Variants in CCDC3 observed in about 807,000 individuals in gnomAD.
The protein encoded by CCDC3 is coiled-coil domain-containing protein 3.
A neutral mutation model predicts 21.4 loss-of-function variants in CCDC3; 24 were observed. The observed-to-expected ratio is 1.12, with a 90% confidence interval of 0.81 to 1.58. The LOEUF (loss-of-function observed/expected upper bound fraction) is 1.58. CCDC3 is among the 40% of genes most tolerant of loss of function. CCDC3 has a pLI of 0.00. For missense variants in CCDC3, 425 were observed against 360.9 expected, an observed-to-expected ratio of 1.18 and a Z score of -1.44; for synonymous variants, 186 against 166.0, an observed-to-expected ratio of 1.12 and a Z score of -0.93.
At chr10:13,030,193 TC>T (rs1425053873) in intron 5 of CCDC3, among the ~76,000 whole-genome samples, 2 of 152,206 alleles carry the variant, frequency 1.3e-5, no homozygotes, top group Non-Finnish European at 2.9e-5. Flanking sequence ...CATTCAACAT[TC>T]TTAAAGAAAA....
chr10:13,047,157 T>C (rs1430890596), intron 5 of CCDC3, among the ~76,000 whole-genome samples: 3 of 151,904 alleles, frequency 2.0e-5, no homozygotes, highest in East Asian at 3.9e-4. Flanking sequence ...AGAACAATTA[T>C]AGGAAAGAAC....
At chr10:12,911,304 G>A (rs1467489449) in intron 2 of CCDC3, among the ~76,000 whole-genome samples, 3 of 152,142 alleles carry the variant, frequency 2.0e-5, no homozygotes, top group Non-Finnish European at 2.9e-5. Flanking sequence ...TCTATCTCTG[G>A]TTTTTACTGC....
chr10:12,988,091 C>T (rs752157358), intron 2 of CCDC3, among the ~76,000 whole-genome samples: 1 of 152,192 alleles, frequency 6.6e-6, no homozygotes, highest in African/African-American at 2.4e-5. Context: ...CCCCCACATG[C>T]TCAGAAATGT....
In CCDC3 at chr10:13,066,049, C is replaced by G. The variant is rs1836816908; in HGVS notation, c.-270+7819G>C. Among the ~76,000 whole-genome samples, 3 of 152,198 alleles carry G rather than the reference C, an allele frequency of 2.0e-5. No homozygotes were observed. The South Asian group carries it at 6.2e-4, about 32-fold the overall frequency. ...AAAGAGGTCTTTGAATCTTCTGCAT[C>G]AGAATCATCTGAAATGATTGAGATG... On this transcript the variant is annotated intron_variant, in intron 4 of 6. Transcript: ENST00000378839.
intron 2 of CCDC3, among the ~76,000 whole-genome samples, chr10:12,990,333 C>T (rs1455043299): frequency 6.6e-6 from 1 of 151,292 alleles, no homozygotes; most frequent in Non-Finnish European, 1.5e-5. Context: ...CTTGCATACA[C>T]ATTGTTAATA....
chr10:13,070,117 T>C (rs1836865107), intron 4 of CCDC3, among the ~76,000 whole-genome samples: 1 of 152,350 alleles, frequency 6.6e-6, no homozygotes, highest in East Asian at 1.9e-4. Flanking sequence ...CTTTTGACTT[T>C]TGCTTGAAAT....
At chr10:12,900,678 G>C (rs12770236) in intron 2 of CCDC3, among the ~76,000 whole-genome samples, 50,794 of 127,918 alleles carry the variant, frequency 0.4, 9,743 homozygotes, top group Admixed American at 0.5. Flanking sequence ...GTGACAAAGA[G>C]ACACTCCATC....
chr10:13,035,042 A>G (rs1254824645), intron 5 of CCDC3, among the ~76,000 whole-genome samples: 2 of 151,324 alleles, frequency 1.3e-5, no homozygotes, highest in Non-Finnish European at 1.5e-5. Flanking sequence ...TTAAAAAAAA[A>G]AAATTAAAAA....
At chr10:12,909,109 AC>A (rs1194651842) in intron 2 of CCDC3, among the ~76,000 whole-genome samples, 1 of 152,136 alleles carries the variant, frequency 6.6e-6, no homozygotes, top group Non-Finnish European at 1.5e-5. Flanking sequence ...ACATCTTCCA[AC>A]CTTGGATGCC....
chr10:12,927,712 T>C (rs1488565315), intron 2 of CCDC3, among the ~76,000 whole-genome samples: 1 of 152,206 alleles, frequency 6.6e-6, no homozygotes, highest in South Asian at 2.1e-4. Flanking sequence ...CAAAACACGC[T>C]AAAGGGATTG....
intron 5 of CCDC3, among the ~76,000 whole-genome samples, chr10:13,044,901 C>T (rs1225117774): frequency 1.3e-5 from 2 of 152,002 alleles, no homozygotes; most frequent in Non-Finnish European, 2.9e-5. Context: ...TTTAACATAT[C>T]GAGTCTTCCA....
At chr10:12,950,837 T>C (rs1834996678) in intron 2 of CCDC3, among the ~76,000 whole-genome samples, 1 of 152,100 alleles carries the variant, frequency 6.6e-6, no homozygotes, top group African/African-American at 2.4e-5. Context: ...GAGGAAGATA[T>C]GGGGGGCTTG....
chr10:12,990,160 G>T lies in CCDC3; in HGVS notation c.549+8178C>A, dbSNP rs573141783. On this transcript the variant is annotated intron_variant, in intron 2 of 2. Transcript: ENST00000378825. The stretch of plus-strand genomic sequence containing the variant: ...CCAGCTACAGGCCTCGGGAGGCTGA[G>T]GCAGGAGAATGGTGTGAACCTGGGA... Among the ~76,000 whole-genome samples the T allele has an allele frequency of 3.9e-5, 6 of 151,950 alleles. No homozygotes were observed. The East Asian group carries it at 1.2e-3, about 30-fold the overall frequency.
At chr10:12,913,682 A>G (rs1207368167) in intron 2 of CCDC3, among the ~76,000 whole-genome samples, 1 of 152,238 alleles carries the variant, frequency 6.6e-6, no homozygotes, top group African/African-American at 2.4e-5. Flanking sequence ...AAAGCTTTCA[A>G]CTATTCACCA....
chr10:13,078,241 CA>C (rs1230399670), intron 3 of CCDC3, among the ~76,000 whole-genome samples: 1 of 151,920 alleles, frequency 6.6e-6, no homozygotes, highest in Non-Finnish European at 1.5e-5. Context: ...TTTATGCAGC[CA>C]AAAAACACAT....
At chr10:12,958,505 T>C (rs1444561499) in intron 2 of CCDC3, among the ~76,000 whole-genome samples, 1 of 152,172 alleles carries the variant, frequency 6.6e-6, no homozygotes, top group African/African-American at 2.4e-5. Context: ...GCATCCTCCC[T>C]GATTCACCCC....
chr10:13,094,388 C>G (rs1358805989), intron 3 of CCDC3, among the ~76,000 whole-genome samples: 1 of 152,018 alleles, frequency 6.6e-6, no homozygotes, highest in Non-Finnish European at 1.5e-5. Flanking sequence ...CCTCTAGTAG[C>G]TGGGACTATA....
At chr10:13,081,119 A>T (rs905044796) in intron 3 of CCDC3, among the ~76,000 whole-genome samples, 6 of 151,852 alleles carry the variant, frequency 4.0e-5, no homozygotes, top group African/African-American at 9.7e-5. Context: ...AAACATTTTT[A>T]AAAAAGGAAA....
At chr10:12,936,863 T>C (rs575023692) in intron 2 of CCDC3, among the ~76,000 whole-genome samples, 1 of 152,330 alleles carries the variant, frequency 6.6e-6, no homozygotes, top group African/African-American at 2.4e-5. Flanking sequence ...CAGTGAGTTG[T>C]GATTACACCT....
Sources: allele counts gnomAD v4.1 joint callset (sites outside exome capture counted in the v4.1 genomes callset), GRCh38; gene constraint gnomAD v4.1.1; transcripts MANE v1.5; gene names NCBI Gene and HGNC (gene_info 2026-07-23, HGNC 2026-07-21).